Variants in CFAP46 observed in about 807,000 individuals in gnomAD.
CFAP46 encodes the protein cilia and flagella associated protein 46.
Under a neutral mutation model 325.7 loss-of-function variants are expected in CFAP46, and 245 were observed. The ratio of observed to expected loss-of-function variants is 0.75; its 90% CI spans 0.68 to 0.84. CFAP46 has a LOEUF of 0.84. Ranked by LOEUF, CFAP46 falls within the 40% of genes least tolerant of loss-of-function variation. The pLI is 0.00. For synonymous variants in CFAP46, 1,523 were observed against 1,495.9 expected, an observed-to-expected ratio of 1.02 and a Z score of -0.42; for missense variants, 3,346 against 3,543.0, an observed-to-expected ratio of 0.94 and a Z score of 1.41.
rs896048197 is a variant in CFAP46, at chr10:132,919,581, C to T, written c.1731-139G>A. 51 of 1,155,182 alleles carry T rather than the reference C, an allele frequency of 4.4e-5. No homozygotes were observed. In the African/African-American group the frequency reaches 6.9e-4, roughly 16 times the overall value. The allele number at this position is 1,155,182 out of a possible 1,614,324, so 71.6% of individuals were successfully genotyped here. On this transcript the variant is annotated intron_variant, in intron 14 of 57. Transcript: ENST00000368586. The surrounding 1 kb of genome is among the most constrained non-coding windows in gnomAD (Gnocchi z 9.7). ...AAGGTGGCAAGGAGCCCGGCACTCG[C>T]GCTGGGTACGGCCTGGCGGGTGCAT...
At position 132,829,225 on chromosome 10, in the gene CFAP46, C is replaced by A. The variant is rs577244905; in HGVS notation, c.7117+4133G>T. 3.3e-5 allele frequency among the ~76,000 whole-genome samples: 5 copies of A among 152,104 alleles called. No homozygotes were observed. The South Asian group carries it at 8.3e-4, about 25-fold the overall frequency. On this transcript the variant is annotated intron_variant, in intron 50 of 57. Coordinates refer to ENST00000368586, the MANE Select transcript of CFAP46 (RefSeq NM_001200049.3). The stretch of plus-strand genomic sequence containing the variant: ...GATGTTTCTCTCCATTTGTTGAGTT[C>A]TTTAATCTCTCTCGGCAATGTTTTA...
chr10:132,824,209 GCT>G (rs1847976470), intron 50 of CFAP46, among the ~76,000 whole-genome samples: 1 of 141,568 alleles, frequency 7.1e-6, no homozygotes, highest in South Asian at 2.3e-4. Context: ...GCTGATGTGT[GCT>G]GTGTGTGCTG....
In CFAP46 at chr10:132,879,623, C is replaced by T. The variant is rs766011356; in HGVS notation, c.3808G>A (p.Val1270Met). ...CTCCGTGGGGGCATCTCCACAGCCA[C>T]GTACTCCCCTGAAACACGGGGTGCC... ...EPQPTPDGEY[V>M]AVEMPPRSPV... The change falls in exon 29 of 58, where the codon GTG (valine) becomes ATG (methionine). Residue 1270 changes from valine (V) to methionine (M), a missense_variant. Val to Met is a conservative substitution (Grantham distance 21). Transcript: ENST00000368586. 56 of 1,528,730 alleles carry T rather than the reference C, an allele frequency of 3.7e-5. No individual in the cohort carries two copies. The South Asian group carries it at 3.8e-4, about 10-fold the overall frequency. 94.7% of individuals were successfully genotyped at this position (1,528,730 alleles called of 1,614,324 possible). A position where few individuals can be genotyped will look rare whatever the true frequency, so the allele number is the denominator to read the frequency against.
intron 27 of CFAP46, among the ~76,000 whole-genome samples, chr10:132,883,143 G>A (rs1021336013): frequency 2.6e-5 from 4 of 152,144 alleles, no homozygotes; most frequent in African/African-American, 4.8e-5. Context: ...AATTTAAAAC[G>A]TGTTTGTGCC....
At position 132,832,761 on chromosome 10, in the gene CFAP46, G is replaced by A. The variant is rs373396562; in HGVS notation, c.7117+597C>T. ...ATGTCATCACCCCCGAATCCCAGCC[G>A]AGGTCAGGGCCTTCCGCGCGCTCCC... On this transcript the variant is annotated intron_variant, in intron 50 of 57. Coordinates refer to ENST00000368586, the MANE Select transcript of CFAP46 (RefSeq NM_001200049.3). The surrounding 1 kb of genome is among the most constrained non-coding windows in gnomAD (Gnocchi z 4.1). 9.5e-5 allele frequency: 45 copies of A among 471,324 alleles called. No homozygotes were observed. The highest frequency in any genetic ancestry group is 2.8e-4 in the Admixed American group (12 of 42,584). The allele number at this position is 471,324 out of a possible 1,614,324, so 29.2% of individuals were successfully genotyped here.
intron 35 of CFAP46, among the ~76,000 whole-genome samples, chr10:132,861,868 T>A (rs1848725668): frequency 6.6e-6 from 1 of 152,022 alleles, no homozygotes. Context: ...GAGGGTGGGC[T>A]GATGAGCTGG....
chr10:132,907,436 G>C (rs1176247585), intron 22 of CFAP46, among the ~76,000 whole-genome samples: 1 of 152,218 alleles, frequency 6.6e-6, no homozygotes, highest in Non-Finnish European at 1.5e-5. Flanking sequence ...TCTGTGTCCA[G>C]CTATGCTGAC....
intron 22 of CFAP46, among the ~76,000 whole-genome samples, chr10:132,905,157 CTTCT>C (rs10580648): frequency 0.35 from 53,832 of 151,866 alleles, 9,832 homozygotes; most frequent in Admixed American, 0.49. Flanking sequence ...TGTCAAAATG[CTTCT>C]TTCTTTGTCA....
At chr10:132,860,113 A>G (rs1848701616) in intron 37 of CFAP46, among the ~76,000 whole-genome samples, 2 of 152,344 alleles carry the variant, frequency 1.3e-5, no homozygotes, top group African/African-American at 4.8e-5. Flanking sequence ...CTACAAATTT[A>G]TACCGACACA....
At chr10:132,839,383 G>T (rs190805944) in intron 44 of CFAP46, among the ~76,000 whole-genome samples, 3 of 152,212 alleles carry the variant, frequency 2.0e-5, no homozygotes, top group African/African-American at 7.2e-5. Context: ...AGACCTCACC[G>T]GAAGGAGGAA....
intron 8 of CFAP46, among the ~76,000 whole-genome samples, chr10:132,933,170 G>A (rs1849939211): frequency 1.3e-5 from 2 of 152,152 alleles, no homozygotes; most frequent in African/African-American, 4.8e-5. Context: ...TTTGGGGTGG[G>A]GTGCGGACGC....
chr10:132,839,941 C>T (rs1054847366), intron 44 of CFAP46, among the ~76,000 whole-genome samples: 1 of 152,188 alleles, frequency 6.6e-6, no homozygotes, highest in Non-Finnish European at 1.5e-5. Context: ...CCTTTCCTTT[C>T]TTGTAATGTC....
intron 35 of CFAP46, among the ~76,000 whole-genome samples, chr10:132,864,284 C>T (rs1333849928): frequency 1.5e-5 from 2 of 137,608 alleles, no homozygotes; most frequent in Non-Finnish European, 3.2e-5. Context: ...ACACCTGTCC[C>T]CCTGCCTGAG....
chr10:132,867,424 G>T lies in CFAP46; in HGVS notation c.4694C>A (p.Thr1565Lys). Residue 1565 changes from threonine (T) to lysine (K), a missense_variant, in exon 34 of 58, where the codon ACA (threonine) becomes AAA (lysine). Transcript: ENST00000368586. ...GATCTCCCCAGGCTGGACAGGAAGT[G>T]TCTGCTCATTCAGTGCTGGCAGGCT... ...EESLPALNEQ[T>K]LPVQPGEIKP... 1 of 1,550,600 alleles carries T rather than the reference G, an allele frequency of 6.4e-7. No homozygotes were observed.
rs372173593 is a variant in CFAP46, at chr10:132,939,700, G to A, written c.372-947C>T. On this transcript the variant is annotated intron_variant, in intron 4 of 57. Transcript: ENST00000368586. The surrounding 1 kb of genome is among the most constrained non-coding windows in gnomAD (Gnocchi z 4.6). ...GTGTCCTGACCAGACGGTCACGCCT[G>A]CTTGAGTCAGAGGGGTCATCATGGG... Among the ~76,000 whole-genome samples, 1 of 152,276 alleles carries A rather than the reference G, an allele frequency of 6.6e-6. No homozygotes were observed. The highest frequency in any genetic ancestry group is 2.1e-4 in the South Asian group (1 of 4,826).
At chr10:132,891,163 CA>C (rs1486889724) in intron 25 of CFAP46, among the ~76,000 whole-genome samples, 1 of 152,194 alleles carries the variant, frequency 6.6e-6, no homozygotes, top group African/African-American at 2.4e-5. Context: ...CAGCCACGAC[CA>C]GGGGGACAGT....
intron 44 of CFAP46, among the ~76,000 whole-genome samples, chr10:132,842,290 C>A (rs892942821): frequency 6.6e-6 from 1 of 152,222 alleles, no homozygotes; most frequent in African/African-American, 2.4e-5. Context: ...AAAGTCTTTG[C>A]TAATTTATGA....
At chr10:132,932,493 C>G (rs965227452) in intron 8 of CFAP46, among the ~76,000 whole-genome samples, 2 of 151,356 alleles carry the variant, frequency 1.3e-5, no homozygotes, top group African/African-American at 4.9e-5. Context: ...CCTCTTCACA[C>G]AGAGGCTGAA....
intron 10 of CFAP46, among the ~76,000 whole-genome samples, chr10:132,926,365 C>A (rs1215581580): frequency 6.6e-6 from 1 of 152,132 alleles, no homozygotes; most frequent in Non-Finnish European, 1.5e-5. Context: ...ACCAGGGCGG[C>A]GTGTAGGCCC....
Sources: allele counts gnomAD v4.1 joint callset (sites outside exome capture counted in the v4.1 genomes callset), GRCh38; gene constraint gnomAD v4.1.1; non-coding constraint Gnocchi (gnomAD v3.1); transcripts MANE v1.5; gene names NCBI Gene and HGNC (gene_info 2026-07-23, HGNC 2026-07-21).